TRUB1: variants seen among roughly 807,000 people sequenced by gnomAD.
The protein encoded by TRUB1 is pseudouridylate synthase TRUB1.
In TRUB1, 23 loss-of-function variants were observed where a neutral mutation model predicts 33.9. The ratio of observed to expected loss-of-function variants is 0.68; its 90% CI spans 0.49 to 0.96. The LOEUF (loss-of-function observed/expected upper bound fraction) is 0.96. Ranked by LOEUF, TRUB1 falls within the 40% of genes least tolerant of loss-of-function variation. The pLI, the probability that TRUB1 is intolerant of heterozygous loss-of-function variation, is 0.00. For missense variants in TRUB1, 378 were observed against 422.2 expected, an observed-to-expected ratio of 0.90 and a Z score of 0.92; for synonymous variants, 163 against 165.4, an observed-to-expected ratio of 0.99 and a Z score of 0.11.
At chr10:114,940,333 C>A (rs1422124511) in intron 1 of TRUB1, among the ~76,000 whole-genome samples, 1 of 152,054 alleles carries the variant, frequency 6.6e-6, no homozygotes, top group African/African-American at 2.4e-5. Flanking sequence ...GTTGGTCAGG[C>A]TGGGCTCGAA....
chr10:114,954,646 C>CTT lies in TRUB1; in HGVS notation c.441+3507_441+3508dup, dbSNP rs111623606. Among the ~76,000 whole-genome samples, 463 of 147,294 alleles carry CTT rather than the reference C, an allele frequency of 3.1e-3. 6 individuals carry two copies. The highest frequency in any genetic ancestry group is 0.011 in the African/African-American group (455 of 40,560). On this transcript the variant is annotated intron_variant, in intron 3 of 7. Coordinates refer to ENST00000298746, the MANE Select transcript of TRUB1 (RefSeq NM_139169.5). ...CTGCCAGTGATCATATTTCTCAAGT[C>CTT]TTTTTTTTTTTCCCTGTGCCTGATC... is the stretch of plus-strand genomic sequence containing the variant.
chr10:114,963,513 T>C (rs2084293219), intron 4 of TRUB1, among the ~76,000 whole-genome samples: 2 of 152,234 alleles, frequency 1.3e-5, no homozygotes, highest in Non-Finnish European at 2.9e-5. Context: ...CTCTATCAAT[T>C]TGCACAAGAC....
chr10:114,938,271 G>C lies in TRUB1; in HGVS notation c.18G>C (p.Ala6=), dbSNP rs2084168468. Residue 6 remains alanine, a synonymous_variant, in exon 1 of 8, where the codon GCG becomes GCC. Transcript: ENST00000298746. ...ACAAAAGTATGGCCGCTTCTGAGGC[G>C]GCGGTGGTGTCTTCGCCGTCTTTGA... is the stretch of plus-strand genomic sequence containing the variant. MAASE[A]AVVSSPSLKT... 3 of 1,614,078 alleles carry C rather than the reference G, an allele frequency of 1.9e-6. No individual in the cohort carries two copies. The highest frequency in any genetic ancestry group is 2.5e-6 in the Non-Finnish European group (3 of 1,180,038).
At position 114,975,225 on chromosome 10, in the gene TRUB1, A is replaced by C; in HGVS notation, c.896A>C (p.Asp299Ala). The change falls in exon 8 of 8, where the codon GAC becomes GCC. Residue 299 changes from aspartate to alanine, a missense_variant. Asp to Ala is a moderately radical substitution (Grantham distance 126, BLOSUM62 -2). Coordinates refer to ENST00000298746, the MANE Select transcript of TRUB1 (RefSeq NM_139169.5). ...CCTGAAGACAAATGGACAATTGATGACATTGCACAGTCTCTTGAGCATTGC... is the reference window on the plus strand; with the variant it reads ...CCTGAAGACAAATGGACAATTGATGCCATTGCACAGTCTCTTGAGCATTGC... Reference protein sequence around the residue: ...ALPEDKWTIDDIAQSLEHCSS... With the variant: ...ALPEDKWTIDAIAQSLEHCSS... The C allele has an allele frequency of 6.2e-7, 1 of 1,613,716 alleles. No homozygotes were observed. Among genetic ancestry groups the C allele is most frequent in the Non-Finnish European group, 8.5e-7 (1 of 1,179,726 alleles).
intron 1 of TRUB1, 88 bp from the exon 2 acceptor site, chr10:114,942,557 A>G: frequency 1.2e-6 from 1 of 824,770 alleles, no homozygotes; most frequent in Non-Finnish European, 2.0e-6. Context: ...TGTTTTGAAA[A>G]TGCCATCCCC....
intron 7 of TRUB1, 28 bp from the exon 8 acceptor site, chr10:114,975,095 A>C (rs1015217766): frequency 3.8e-6 from 6 of 1,585,022 alleles, no homozygotes; most frequent in Non-Finnish European, 4.3e-6. Context: ...TATCTTCTGG[A>C]TTTTTTTTCT....
chr10:114,954,261 T>C (rs908845785), intron 3 of TRUB1, among the ~76,000 whole-genome samples: 17 of 152,208 alleles, frequency 1.1e-4, no homozygotes, highest in African/African-American at 3.9e-4. Flanking sequence ...TTCAGTGTTC[T>C]TGTTACAGCC....
chr10:114,963,825 C>T (rs922231394), intron 4 of TRUB1, among the ~76,000 whole-genome samples: 3 of 151,998 alleles, frequency 2.0e-5, no homozygotes, highest in Non-Finnish European at 4.4e-5. Flanking sequence ...TGTAGTATGC[C>T]ACTGTGTGAA....
chr10:114,940,267 A>C (rs769456695), intron 1 of TRUB1, among the ~76,000 whole-genome samples: 1 of 152,078 alleles, frequency 6.6e-6, no homozygotes, highest in Non-Finnish European at 1.5e-5. Context: ...GATTACAGGC[A>C]TGCACCACCA....
At chr10:114,955,395 T>C (rs1483511898) in intron 3 of TRUB1, among the ~76,000 whole-genome samples, 2 of 152,228 alleles carry the variant, frequency 1.3e-5, no homozygotes, top group African/African-American at 4.8e-5. Context: ...TCAAAGTTGG[T>C]TACTTTATAA....
intron 1 of TRUB1, among the ~76,000 whole-genome samples, chr10:114,938,863 A>G (rs1291572644): frequency 1.3e-5 from 2 of 152,200 alleles, no homozygotes; most frequent in African/African-American, 4.8e-5. Context: ...GTTCATGTGG[A>G]TGAACCCCAA....
At chr10:114,974,745 G>C (rs116895111) in intron 7 of TRUB1, among the ~76,000 whole-genome samples, 1 of 151,932 alleles carries the variant, frequency 6.6e-6, no homozygotes, top group South Asian at 2.1e-4. Flanking sequence ...ACTGGAAGCC[G>C]TAGTCTTATA....
At chr10:114,941,790 T>C (rs1340550092) in intron 1 of TRUB1, among the ~76,000 whole-genome samples, 1 of 151,526 alleles carries the variant, frequency 6.6e-6, no homozygotes, top group African/African-American at 2.4e-5. Context: ...TGTTTATTTA[T>C]TTATTTTTTT....
chr10:114,972,422 T>G (rs2084341186), intron 6 of TRUB1, 148 bp downstream of exon 6: 1 of 911,826 alleles, frequency 1.1e-6, no homozygotes, highest in African/African-American at 1.7e-5. Context: ...TTTATACCTT[T>G]TTTGGTAACA....
chr10:114,953,858 C>T (rs1486018648), intron 3 of TRUB1, among the ~76,000 whole-genome samples: 1 of 152,056 alleles, frequency 6.6e-6, no homozygotes, highest in Admixed American at 6.6e-5. Context: ...TTTAAACAGC[C>T]AGATCTCGCG....
chr10:114,957,567 G>A (rs1316940803), intron 3 of TRUB1, among the ~76,000 whole-genome samples: 3 of 152,186 alleles, frequency 2.0e-5, no homozygotes, highest in African/African-American at 7.2e-5. Flanking sequence ...GTCATGCTGT[G>A]GAGGTGGGTA....
rs2084363689 is a variant in TRUB1, at chr10:114,976,914, C to G, written c.*1535C>G. 1 of 152,004 alleles carries G rather than the reference C, an allele frequency of 6.6e-6. No homozygotes were observed. The highest frequency in any genetic ancestry group is 2.1e-4 in the South Asian group (1 of 4,826). The allele number at this position is 152,004 out of a possible 1,614,324, so 9.4% of individuals were successfully genotyped here. On this transcript the variant is annotated 3_prime_UTR_variant, in exon 8 of 8. Transcript: ENST00000298746. ...GTTTTACCTGTTCATATCTAGTGCC[C>G]CACAGTGTGTGTCAACCAAAGGTGG...
chr10:114,966,289 A>T (rs2084308892), intron 4 of TRUB1, among the ~76,000 whole-genome samples: 1 of 152,202 alleles, frequency 6.6e-6, no homozygotes. Flanking sequence ...GTCAAAAAAC[A>T]GTTGTCCATA....
chr10:114,974,806 C>A (rs1394132950), intron 7 of TRUB1, among the ~76,000 whole-genome samples: 4 of 152,088 alleles, frequency 2.6e-5, no homozygotes, highest in African/African-American at 7.2e-5. Flanking sequence ...GCAGTTGTCG[C>A]ACTGGACAGG....
Sources: allele counts gnomAD v4.1 joint callset (sites outside exome capture counted in the v4.1 genomes callset), GRCh38; gene constraint gnomAD v4.1.1; transcripts MANE v1.5; gene names NCBI Gene and HGNC (gene_info 2026-07-23, HGNC 2026-07-21).